Variants in PDZRN3 observed in about 807,000 individuals in gnomAD.
The protein encoded by PDZRN3 is PDZ domain containing ring finger 3.
A neutral mutation model predicts 85.7 loss-of-function variants in PDZRN3; 38 were observed. The ratio of observed to expected loss-of-function variants is 0.44; its 90% CI spans 0.34 to 0.58. PDZRN3 has a LOEUF of 0.58. PDZRN3 is among the 20% of genes least tolerant of loss of function. The pLI, the probability that PDZRN3 is intolerant of heterozygous loss-of-function variation, is 0.01. For missense variants in PDZRN3, 1,629 were observed against 1,506.4 expected (o/e 1.08, Z -1.35); for synonymous variants, 759 against 638.0 (o/e 1.19, Z -2.86).
intron 3 of PDZRN3, among the ~76,000 whole-genome samples, chr3:73,556,407 CA>C (rs1449499344): frequency 6.6e-6 from 1 of 151,788 alleles, no homozygotes; most frequent in African/African-American, 2.4e-5. Flanking sequence ...CTATCTCACC[CA>C]AAAAAGAGCT....
intron 3 of PDZRN3, among the ~76,000 whole-genome samples, chr3:73,431,996 C>T (rs1354698824): frequency 6.6e-6 from 1 of 152,170 alleles, no homozygotes; most frequent in Non-Finnish European, 1.5e-5. Flanking sequence ...ACAACTGTGA[C>T]TGCTGAATGA....
intron 7 of PDZRN3, among the ~76,000 whole-genome samples, chr3:73,388,310 T>C (rs1471990837): frequency 6.6e-6 from 1 of 152,054 alleles, no homozygotes; most frequent in Non-Finnish European, 1.5e-5. Context: ...GTGACTGTGA[T>C]GTGTGGGGTG....
rs766497578 is a variant in PDZRN3, at chr3:73,385,652, T to C, written c.1635+17A>G. The C allele has an allele frequency of 2.1e-6, 3 of 1,452,504 alleles. No homozygotes were observed. The highest frequency in any genetic ancestry group is 2.9e-6 in the Non-Finnish European group (3 of 1,034,484). 90.0% of individuals were successfully genotyped at this position (1,452,504 alleles called of 1,614,324 possible). A position where few individuals can be genotyped will look rare whatever the true frequency, so the allele number is the denominator to read the frequency against. On this transcript the variant is annotated intron_variant, in intron 9 of 9. Coordinates refer to ENST00000263666, the MANE Select transcript of PDZRN3 (RefSeq NM_015009.3). Reference sequence around the variant, plus strand: ...CTCAGCAGGGCAGAGTGTCAGGGACTGGTGCGTGGGCGTTACCTGCTGCAG... The same window carrying C: ...CTCAGCAGGGCAGAGTGTCAGGGACCGGTGCGTGGGCGTTACCTGCTGCAG...
chr3:73,494,878 A>C (rs1036181915), intron 3 of PDZRN3, among the ~76,000 whole-genome samples: 1 of 152,344 alleles, frequency 6.6e-6, no homozygotes, highest in African/African-American at 2.4e-5. Context: ...TCCAACACCC[A>C]ATCGAGAAAA....
Position 73,389,807 on chromosome 3 carries a change from T to C in PDZRN3, c.1416+9A>G. 2.5e-6 allele frequency: 4 copies of C among 1,604,204 alleles called. No individual in the cohort carries two copies. Among genetic ancestry groups the C allele is most frequent in the Non-Finnish European group, 2.6e-6 (3 of 1,170,964 alleles). On this transcript the variant is annotated intron_variant, in intron 7 of 9. Transcript: ENST00000263666. ...CCATCATGAGGCCATTGTTTGGAAG[T>C]GGACTTACCTGGATAATGCGGTCTC...
chr3:73,497,578 T>C (rs887179603), intron 3 of PDZRN3, among the ~76,000 whole-genome samples: 2 of 152,236 alleles, frequency 1.3e-5, no homozygotes, highest in African/African-American at 4.8e-5. Flanking sequence ...GTAAAATTTT[T>C]TTTATTCTGG....
intron 3 of PDZRN3, among the ~76,000 whole-genome samples, chr3:73,498,781 C>T (rs114551068): frequency 3.5e-3 from 532 of 152,212 alleles, no homozygotes; most frequent in African/African-American, 0.012. Flanking sequence ...GACGGGGTTT[C>T]ACATGTTGGT....
At chr3:73,608,727 G>GAATA in intron 1 of PDZRN3, 43 bp from the exon 2 acceptor site, 1 of 1,194,744 alleles carries the variant, frequency 8.4e-7, no homozygotes, top group Non-Finnish European at 1.2e-6. Flanking sequence ...TACCAACAGG[G>GAATA]AATAGATGGT....
At chr3:73,620,429 G>A (rs1702838866) in intron 1 of PDZRN3, among the ~76,000 whole-genome samples, 1 of 152,202 alleles carries the variant, frequency 6.6e-6, no homozygotes, top group Non-Finnish European at 1.5e-5. Flanking sequence ...GTCAGGATGG[G>A]AAACTGAGGC....
chr3:73,462,553 A>AAG (rs1553691928), intron 3 of PDZRN3, among the ~76,000 whole-genome samples: 1 of 151,336 alleles, frequency 6.6e-6, no homozygotes, highest in East Asian at 1.9e-4. Context: ...AAAAAAAAAA[A>AAG]AAAAAAAAAG....
At position 73,616,872 on chromosome 3, in the gene PDZRN3, CA is replaced by C. The variant is rs1476927390; in HGVS notation, c.723+7230del. Among the ~76,000 whole-genome samples, 8 of 152,244 alleles carry C rather than the reference CA, an allele frequency of 5.3e-5. No homozygotes were observed. In the East Asian group the frequency reaches 1.5e-3, roughly 29 times the overall value. On this transcript the variant is annotated intron_variant, in intron 1 of 9. Transcript: ENST00000263666. ...AGGCTTGAAGGTTAGAAGAGCCTCC[CA>C]GGGGCCCTCAACAACAGGGCAAAGA...
Position 73,383,773 on chromosome 3 carries a change from G to C in PDZRN3, c.2793C>G (p.Arg931=), listed in dbSNP as rs746830094. The change falls in exon 10 of 10, where the codon CGC becomes CGG. Residue 931 remains arginine, a synonymous_variant. Coordinates refer to ENST00000263666, the MANE Select transcript of PDZRN3 (RefSeq NM_015009.3). Reference sequence around the variant, plus strand: ...CCCGCACGGGCCTCTTGGTGATGTAGCGCGTCCCGTCGCTGCGGATCTTCA... The same window carrying C: ...CCCGCACGGGCCTCTTGGTGATGTACCGCGTCCCGTCGCTGCGGATCTTCA... ...WKVKIRSDGT[R]YITKRPVRDR... 7 of 1,613,048 alleles carry C rather than the reference G, an allele frequency of 4.3e-6. No homozygotes were observed. The Admixed American group carries it at 8.3e-5, about 19-fold the overall frequency.
chr3:73,622,931 C>A (rs1224900986), intron 1 of PDZRN3, among the ~76,000 whole-genome samples: 5 of 152,134 alleles, frequency 3.3e-5, no homozygotes, highest in Non-Finnish European at 1.5e-5. Context: ...GAAAGATGGG[C>A]ACGCAAAGGT....
chr3:73,503,176 G>C (rs1034128491), intron 3 of PDZRN3, among the ~76,000 whole-genome samples: 2 of 152,166 alleles, frequency 1.3e-5, no homozygotes, highest in Non-Finnish European at 2.9e-5. Flanking sequence ...CCATTTAAAA[G>C]AAATTAAACT....
chr3:73,463,280 G>A (rs1037367017), intron 3 of PDZRN3, among the ~76,000 whole-genome samples: 1 of 152,208 alleles, frequency 6.6e-6, no homozygotes, highest in Admixed American at 6.5e-5. Context: ...TTAGGTGGAA[G>A]AAGCTAATTC....
chr3:73,404,643 GA>G (rs2106729816), intron 3 of PDZRN3: 1 of 451,940 alleles, frequency 2.2e-6, no homozygotes, highest in East Asian at 3.7e-5. Flanking sequence ...CTTCCCCGTG[GA>G]ATGTCTTTAA....
intron 2 of PDZRN3, among the ~76,000 whole-genome samples, chr3:73,606,308 T>G (rs1252944472): frequency 6.6e-6 from 1 of 152,260 alleles, no homozygotes; most frequent in Non-Finnish European, 1.5e-5. Context: ...CCAACTCATC[T>G]GTGCTAAATG....
chr3:73,393,134 T>C (rs980139161), intron 5 of PDZRN3, among the ~76,000 whole-genome samples: 1 of 152,100 alleles, frequency 6.6e-6, no homozygotes, highest in Non-Finnish European at 1.5e-5. Context: ...GCTCGCCCAG[T>C]GCTACCCCTG....
intron 3 of PDZRN3, among the ~76,000 whole-genome samples, chr3:73,424,546 A>G (rs1160133891): frequency 6.7e-6 from 1 of 149,042 alleles, no homozygotes; most frequent in African/African-American, 2.5e-5. Flanking sequence ...CATCTCAAAA[A>G]AAAAAAAAAA....
Sources: allele counts gnomAD v4.1 joint callset (sites outside exome capture counted in the v4.1 genomes callset), GRCh38; gene constraint gnomAD v4.1.1; transcripts MANE v1.5; gene names NCBI Gene and HGNC (gene_info 2026-07-23, HGNC 2026-07-21).